The following RTN4RL1 variants were observed in gnomAD, a reference collection of about 807,000 sequenced individuals.
RTN4RL1 encodes the protein reticulon-4 receptor-like 1.
RTN4RL1 carries 7 observed loss-of-function variants against 25.6 expected under a neutral mutation model. The ratio of observed to expected loss-of-function variants is 0.27; its 90% CI spans 0.16 to 0.51. The LOEUF is 0.51. Ranked by LOEUF, RTN4RL1 falls within the 20% of genes least tolerant of loss-of-function variation. The pLI is 0.97. For synonymous variants in RTN4RL1, 297 were observed against 288.2 expected, an observed-to-expected ratio of 1.03 and a Z score of -0.31; for missense variants, 500 against 615.6, an observed-to-expected ratio of 0.81 and a Z score of 1.99.
chr17:1,944,216 C>T (rs1915492806), intron 1 of RTN4RL1, among the ~76,000 whole-genome samples: 1 of 151,606 alleles, frequency 6.6e-6, no homozygotes, highest in Non-Finnish European at 1.5e-5. Context: ...CCTGGATCCT[C>T]AACTTAACCG....
At chr17:2,006,933 T>A (rs528972161) in intron 1 of RTN4RL1, among the ~76,000 whole-genome samples, 1 of 152,284 alleles carries the variant, frequency 6.6e-6, no homozygotes, top group South Asian at 2.1e-4. Context: ...TTTTCTTTTT[T>A]TTAATGTGTG....
intron 1 of RTN4RL1, among the ~76,000 whole-genome samples, chr17:1,997,410 A>G (rs2066934063): frequency 6.6e-6 from 1 of 152,128 alleles, no homozygotes; most frequent in African/African-American, 2.4e-5. Context: ...TAACAGTTTT[A>G]TTCTCTACAC....
intron 1 of RTN4RL1, among the ~76,000 whole-genome samples, chr17:1,962,999 A>G (rs1213939968): frequency 6.6e-6 from 1 of 151,696 alleles, no homozygotes; most frequent in Non-Finnish European, 1.5e-5. Flanking sequence ...GTGCAGAGGT[A>G]TAATCATAGC....
At position 1,935,709 on chromosome 17, in the gene RTN4RL1, GTGTATATATATATATA is replaced by G. The variant is rs1181437160; in HGVS notation, c.*771_*786del. ...GGAGTGGGAGGGGGACTGTGCATTT[GTGTATATATATATATA>G]TATATATATATATATATATATATAT... On this transcript the variant is annotated 3_prime_UTR_variant, in exon 2 of 2. Transcript: ENST00000331238. 1.0e-5 allele frequency: 2 copies of G among 199,206 alleles called. No individual in the cohort carries two copies. The highest frequency in any genetic ancestry group is 7.4e-5 in the African/African-American group (2 of 27,186). 12.3% of individuals were successfully genotyped at this position (199,206 alleles called of 1,614,324 possible). A position where few individuals can be genotyped will look rare whatever the true frequency, so the allele number is the denominator to read the frequency against.
intron 1 of RTN4RL1, among the ~76,000 whole-genome samples, chr17:1,991,389 T>G (rs1159866143): frequency 6.6e-6 from 1 of 150,946 alleles, no homozygotes; most frequent in Non-Finnish European, 1.5e-5. Flanking sequence ...TGAGTTTGTT[T>G]TTTTTTGAAC....
intron 1 of RTN4RL1, among the ~76,000 whole-genome samples, chr17:1,973,179 A>T (rs940478367): frequency 6.6e-6 from 1 of 152,004 alleles, no homozygotes; most frequent in South Asian, 2.1e-4. Context: ...CCTGGCCAAC[A>T]TGGCAAAACC....
intron 1 of RTN4RL1, among the ~76,000 whole-genome samples, chr17:1,964,636 G>A (rs2066780781): frequency 6.6e-6 from 1 of 151,864 alleles, no homozygotes; most frequent in African/African-American, 2.4e-5. Context: ...GGAGGCTGAG[G>A]CAGGAGAATG....
In RTN4RL1 at chr17:1,994,932, T is replaced by TAAA. The variant is rs775125543; in HGVS notation, c.13+29918_13+29920dup. ...GGCCAACATAGTAAGACCCCATCTC[T>TAAA]AAAAAAAAAAAAAAATCATGAAATG... On this transcript the variant is annotated intron_variant, in intron 1 of 1. Transcript: ENST00000331238. This position sits in a 1 kb window ranked among gnomAD's most constrained non-coding sequence, Gnocchi z 4.3. Among the ~76,000 whole-genome samples the TAAA allele has an allele frequency of 2.2e-5, 3 of 135,716 alleles. No individual in the cohort carries two copies. The highest frequency in any genetic ancestry group is 8.1e-5 in the African/African-American group (3 of 37,232). The allele number at this position is 135,716 out of a possible 152,430, so 89.0% of individuals were successfully genotyped here. A position where few individuals can be genotyped will look rare whatever the true frequency, so the allele number is the denominator to read the frequency against.
At chr17:2,013,826 C>G (rs150034838) in intron 1 of RTN4RL1, among the ~76,000 whole-genome samples, 1,618 of 145,514 alleles carry the variant, frequency 0.011, 233 homozygotes, top group African/African-American at 0.041. Flanking sequence ...ACATAAATAC[C>G]CCAGCTCCCT....
chr17:1,975,416 C>T (rs1173875303), intron 1 of RTN4RL1, among the ~76,000 whole-genome samples: 1 of 152,036 alleles, frequency 6.6e-6, no homozygotes. Flanking sequence ...TTTGAGAGAC[C>T]GAGGTGGGTG....
chr17:1,976,298 G>A (rs1158776211), intron 1 of RTN4RL1, among the ~76,000 whole-genome samples: 1 of 152,240 alleles, frequency 6.6e-6, no homozygotes, highest in Non-Finnish European at 1.5e-5. Context: ...AGGTTCCAGA[G>A]ACCAGGCTCC....
chr17:2,012,202 C>T (rs1038826747), intron 1 of RTN4RL1, among the ~76,000 whole-genome samples: 2 of 152,182 alleles, frequency 1.3e-5, no homozygotes, highest in African/African-American at 4.8e-5. Flanking sequence ...AAATTTTGTT[C>T]CAAACACATC....
chr17:1,938,710 A>G (rs1462450971), intron 1 of RTN4RL1, among the ~76,000 whole-genome samples: 1 of 151,960 alleles, frequency 6.6e-6, no homozygotes, highest in Non-Finnish European at 1.5e-5. Context: ...CACATCCTCA[A>G]AACATACGGG....
chr17:1,951,264 CA>C (rs112323100), intron 1 of RTN4RL1, among the ~76,000 whole-genome samples: 29,237 of 141,358 alleles, frequency 0.21, 2,965 homozygotes, highest in African/African-American at 0.23. Context: ...GACTCCGTCT[CA>C]AAAAAAAAAA....
chr17:1,942,693 C>T (rs553101770), intron 1 of RTN4RL1, among the ~76,000 whole-genome samples: 1 of 152,212 alleles, frequency 6.6e-6, no homozygotes, highest in South Asian at 2.1e-4. Flanking sequence ...TCCCCAAGTC[C>T]CTGCTTGCTG....
At chr17:1,941,001 G>A (rs577688483) in intron 1 of RTN4RL1, among the ~76,000 whole-genome samples, 3 of 152,322 alleles carry the variant, frequency 2.0e-5, no homozygotes, top group Non-Finnish European at 4.4e-5. Context: ...GGGGTGATAT[G>A]TGTCCGGCTC....
intron 1 of RTN4RL1, among the ~76,000 whole-genome samples, chr17:1,945,670 C>T (rs1915522171): frequency 6.6e-6 from 1 of 152,224 alleles, no homozygotes; most frequent in Non-Finnish European, 1.5e-5. Flanking sequence ...CACTTTACCC[C>T]ACAGCATTCC....
In RTN4RL1 at chr17:1,937,189, C is replaced by T; in HGVS notation, c.633G>A (p.Trp211Ter). The change falls in exon 2 of 2, where the codon TGG (tryptophan) becomes TGA (stop). Residue 211 changes from tryptophan to a stop codon, truncating the protein, a stop_gained. Coordinates refer to ENST00000331238, the MANE Select transcript of RTN4RL1 (RefSeq NM_178568.4). LOFTEE classifies it high-confidence loss of function. ...GGTCGTGGAACGCCTTGTGGTGGAC[C>T]CACTGCAGCTGGTTCTCGTGCAGCA... is the stretch of plus-strand genomic sequence containing the variant. The part of the protein sequence containing the change: ...RLLLHENQLQ[W>*]VHHKAFHDLR... 1 of 1,612,412 alleles carries T rather than the reference C, an allele frequency of 6.2e-7. No individual in the cohort carries two copies. Among genetic ancestry groups the T allele is most frequent in the Non-Finnish European group, 8.5e-7 (1 of 1,179,680 alleles).
chr17:1,961,983 G>GA (rs777805458), intron 1 of RTN4RL1, among the ~76,000 whole-genome samples: 37,256 of 141,668 alleles, frequency 0.26, 5,889 homozygotes, highest in Non-Finnish European at 0.37. Flanking sequence ...AGAAAAGAAA[G>GA]AAAGAAAAGA....
Sources: gnomAD v4.1 joint callset for allele counts (sites outside exome capture counted in the v4.1 genomes callset) on GRCh38, gnomAD v4.1.1 for gene constraint, Gnocchi (gnomAD v3.1) non-coding constraint, MANE v1.5 for transcripts, NCBI Gene and HGNC (gene_info 2026-07-23, HGNC 2026-07-21) for gene names.